Variants in FAM220A observed in about 807,000 individuals in gnomAD.
FAM220A encodes family with sequence similarity 220 member A.
For missense variants in FAM220A, 392 were observed against 321.6 expected (o/e 1.22, Z -1.68); for synonymous variants, 141 against 130.7 (o/e 1.08, Z -0.54).
At chr7:6,340,585 G>A (rs182511104) in intron 1 of FAM220A, among the ~76,000 whole-genome samples, 2 of 152,184 alleles carry the variant, frequency 1.3e-5, no homozygotes, top group East Asian at 1.9e-4. Context: ...CAGACTCGAA[G>A]GAGGGCAGGT....
At position 6,329,985 on chromosome 7, in the gene FAM220A, T is replaced by TCGGTGG; in HGVS notation, c.*389_*390insCCACCG. 4.6e-6 allele frequency: 1 copy of TCGGTGG among 218,576 alleles called. No individual in the cohort carries two copies. Among genetic ancestry groups the TCGGTGG allele is most frequent in the Non-Finnish European group, 9.9e-6 (1 of 101,394 alleles). The allele number at this position is 218,576 out of a possible 1,614,324, so 13.5% of individuals were successfully genotyped here. ...TAACGCCAAGTACAGTGGTGTAGACTTTACAAGTATCCACTTCCATTGGGT... is the reference window on the plus strand; with the variant it reads ...TAACGCCAAGTACAGTGGTGTAGACTCGGTGGTTACAAGTATCCACTTCCATTGGGT... On this transcript the variant is annotated 3_prime_UTR_variant, in exon 2 of 2. Coordinates refer to ENST00000313324, the MANE Select transcript of FAM220A (RefSeq NM_001037163.2).
intron 1 of FAM220A, among the ~76,000 whole-genome samples, chr7:6,332,285 C>CA (rs1781653057): frequency 6.6e-6 from 1 of 151,808 alleles, no homozygotes; most frequent in African/African-American, 2.4e-5. Context: ...AAGAGTAAGG[C>CA]AAAAAAGTTC....
At chr7:6,346,604 C>G (rs539233685) in intron 1 of FAM220A, among the ~76,000 whole-genome samples, 6 of 152,168 alleles carry the variant, frequency 3.9e-5, no homozygotes, top group Non-Finnish European at 8.8e-5. Flanking sequence ...TGGTCTCAAA[C>G]TCCTGAGCTT....
Position 6,330,544 on chromosome 7 carries a change from A to C in FAM220A, c.611T>G (p.Leu204Arg). The C allele has an allele frequency of 1.2e-6, 2 of 1,614,196 alleles. No homozygotes were observed. The highest frequency in any genetic ancestry group is 1.7e-6 in the Non-Finnish European group (2 of 1,180,034). The part of the protein sequence containing the change: ...ATLHVYPEVL[L>R]SEETKRIFLD... ...GAAAATGCGTTTTGTCTCCTCACTC[A>C]GGAGCACTTCGGGATACACGTGCAG... The change falls in exon 2 of 2, where the codon CTG becomes CGG. Residue 204 changes from leucine (L) to arginine (R), a missense_variant. By Grantham distance (102) the Leu-to-Arg change is moderately radical (BLOSUM62 -2). Coordinates refer to ENST00000313324, the MANE Select transcript of FAM220A (RefSeq NM_001037163.2).
chr7:6,345,541 T>G (rs576166331), intron 1 of FAM220A, among the ~76,000 whole-genome samples: 2 of 152,112 alleles, frequency 1.3e-5, no homozygotes, highest in African/African-American at 2.4e-5. Flanking sequence ...GAGAAGCAGA[T>G]ATATGAAAAA....
At chr7:6,336,729 C>G (rs1724944152) in intron 1 of FAM220A, among the ~76,000 whole-genome samples, 1 of 151,498 alleles carries the variant, frequency 6.6e-6, no homozygotes, top group Non-Finnish European at 1.5e-5. Context: ...TCACGGCTCA[C>G]TGCAGCCTCG....
intron 1 of FAM220A, among the ~76,000 whole-genome samples, chr7:6,348,140 C>T (rs1414159915): frequency 2.0e-5 from 3 of 151,298 alleles, no homozygotes; most frequent in Non-Finnish European, 4.4e-5. Context: ...GAACTCCTGA[C>T]CTCAGGTAAT....
intron 1 of FAM220A, among the ~76,000 whole-genome samples, chr7:6,337,465 A>G (rs1291760566): frequency 1.3e-5 from 2 of 151,826 alleles, no homozygotes; most frequent in African/African-American, 4.9e-5. Flanking sequence ...AATATGGGAC[A>G]GTGCTCAGAA....
rs1410194352 is a variant in FAM220A, at chr7:6,348,880, G to A, written c.-389C>T. On this transcript the variant is annotated 5_prime_UTR_variant, in exon 1 of 2. Coordinates refer to ENST00000313324, the MANE Select transcript of FAM220A (RefSeq NM_001037163.2). ...AGGCGGCGGCTAGACCGGCGGGCGG[G>A]CGGGCCGCAGTGGAGCGGAGTCCGC... The A allele has an allele frequency of 1.8e-5, 7 of 388,784 alleles. No individual in the cohort carries two copies. The highest frequency in any genetic ancestry group is 3.2e-5 in the Non-Finnish European group (7 of 220,234). The allele number at this position is 388,784 out of a possible 1,614,324, so 24.1% of individuals were successfully genotyped here.
At chr7:6,348,072 G>A (rs1781990282) in intron 1 of FAM220A, among the ~76,000 whole-genome samples, 1 of 151,436 alleles carries the variant, frequency 6.6e-6, no homozygotes, top group Admixed American at 6.6e-5. Context: ...CACCACGCCC[G>A]GCTAATTCTG....
intron 1 of FAM220A, among the ~76,000 whole-genome samples, chr7:6,332,185 G>C (rs575332639): frequency 6.6e-5 from 10 of 151,604 alleles, no homozygotes; most frequent in Middle Eastern, 3.5e-3. Context: ...ATGCTACCTA[G>C]TGCATCCTTC....
chr7:6,347,637 C>T (rs2058965531), intron 1 of FAM220A, among the ~76,000 whole-genome samples: 1 of 152,122 alleles, frequency 6.6e-6, no homozygotes, highest in Non-Finnish European at 1.5e-5. Context: ...TGTGCTTCCA[C>T]GTCTTCCACT....
At chr7:6,348,437 G>A (rs895516558) in intron 1 of FAM220A, 136 bp downstream of exon 1, 4 of 396,518 alleles carry the variant, frequency 1.0e-5, no homozygotes, top group African/African-American at 4.2e-5. Flanking sequence ...CCCCAAAGTA[G>A]GGTCGCACGG....
chr7:6,338,411 T>C (rs1781787059), intron 1 of FAM220A, among the ~76,000 whole-genome samples: 1 of 152,038 alleles, frequency 6.6e-6, no homozygotes. Context: ...CAAACAAAGG[T>C]AGCTACCAAA....
chr7:6,334,404 A>C (rs1214923309), intron 1 of FAM220A, among the ~76,000 whole-genome samples: 1 of 151,590 alleles, frequency 6.6e-6, no homozygotes, highest in Non-Finnish European at 1.5e-5. Flanking sequence ...GGCATGGTGG[A>C]GCATGCCTGT....
At position 6,337,332 on chromosome 7, in the gene FAM220A, G is replaced by A. The variant is rs568109327; in HGVS notation, c.-81-6097C>T. Among the ~76,000 whole-genome samples, 3 of 152,192 alleles carry A rather than the reference G, an allele frequency of 2.0e-5. No homozygotes were observed. The South Asian group carries it at 6.2e-4, about 32-fold the overall frequency. On this transcript the variant is annotated intron_variant, in intron 1 of 1. Transcript: ENST00000313324. ...ATATGGGGTTTTACCATGATGGCCAGGCTGGTCTCTAACTCCTGACCTCAG... is the reference window on the plus strand; with the variant it reads ...ATATGGGGTTTTACCATGATGGCCAAGCTGGTCTCTAACTCCTGACCTCAG...
At chr7:6,343,055 A>G (rs1251742541) in intron 1 of FAM220A, among the ~76,000 whole-genome samples, 1 of 115,870 alleles carries the variant, frequency 8.6e-6, no homozygotes, top group African/African-American at 3.6e-5. Context: ...AAAAGAAAAA[A>G]GAAAGAAAGA....
chr7:6,333,168 C>CAAAAAAAAAAAAACA (rs1781673129), intron 1 of FAM220A, among the ~76,000 whole-genome samples: 2 of 127,992 alleles, frequency 1.6e-5, no homozygotes, highest in Non-Finnish European at 3.5e-5. Context: ...ATAAAAAAAT[C>CAAAAAAAAAAAAACA]AAAAAAAAAA....
chr7:6,340,672 G>A (rs1421760264), intron 1 of FAM220A, among the ~76,000 whole-genome samples: 1 of 151,996 alleles, frequency 6.6e-6, no homozygotes. Flanking sequence ...GGCCGAGGCG[G>A]GCGGATCACG....
Sources: gnomAD v4.1 joint callset for allele counts (sites outside exome capture counted in the v4.1 genomes callset) on GRCh38, gnomAD v4.1.1 for gene constraint, MANE v1.5 for transcripts, NCBI Gene and HGNC (gene_info 2026-07-23, HGNC 2026-07-21) for gene names.